BAHCC1: variants seen among roughly 807,000 people sequenced by gnomAD.
BAHCC1 encodes the protein BAH domain and coiled-coil containing 1, also known as BAH and coiled-coil domain-containing protein 1.
A neutral mutation model predicts 88.2 loss-of-function variants in BAHCC1; 43 were observed. The observed-to-expected ratio is 0.49, with a 90% CI of 0.38 to 0.63. The LOEUF is 0.63. Among genes scored for constraint, BAHCC1 ranks in the 20% least tolerant of loss-of-function variants. The pLI, the probability that BAHCC1 is intolerant of heterozygous loss-of-function variation, is 0.00. For missense variants in BAHCC1, 3,023 were observed against 1,654.8 expected (o/e 1.83, Z -14.34); for synonymous variants, 1,510 against 745.5 (o/e 2.03, Z -16.71).
rs372519094 is a variant in BAHCC1 at position 81,459,353 on chromosome 17, G to A, written c.5796+25G>A. 7.2e-5 allele frequency: 56 copies of A among 773,306 alleles called. 1 individual carries two copies. Among genetic ancestry groups the A allele is most frequent in the South Asian group, 3.4e-4 (25 of 73,920 alleles). The allele number at this position is 773,306 out of a possible 1,614,324, so 47.9% of individuals were successfully genotyped here. On this transcript the variant is annotated intron_variant, in intron 22 of 27. Coordinates refer to ENST00000675386, the MANE Select transcript of BAHCC1 (RefSeq NM_001377448.1). Reference sequence around the variant, plus strand: ...GGTGAGGACCGGGCCGGCCCGCCCCGGGGAGGGGCCTGGCTGGCTTGTCCC... The same window carrying A: ...GGTGAGGACCGGGCCGGCCCGCCCCAGGGAGGGGCCTGGCTGGCTTGTCCC...
chr17:81,455,300 G>T lies in BAHCC1; in HGVS notation c.4479G>T (p.Ala1493=). 1.4e-6 allele frequency: 1 copy of T among 717,206 alleles called. No individual in the cohort carries two copies. 44.4% of individuals were successfully genotyped at this position (717,206 alleles called of 1,614,324 possible). A position where few individuals can be genotyped will look rare whatever the true frequency, so the allele number is the denominator to read the frequency against. ...GGACAAGCCTGGGTCTGCTGTGTGC[G>T]GAGCTGCGAGGAGGCAGTGGGGGCG... The part of the protein sequence containing the change: ...AVRTSLGLLC[A]ELRGGSGGEP... The change falls in exon 15 of 28, where the codon GCG becomes GCT. Residue 1493 remains alanine (A), a synonymous_variant. Coordinates refer to ENST00000675386, the MANE Select transcript of BAHCC1 (RefSeq NM_001377448.1).
intron 2 of BAHCC1, among the ~76,000 whole-genome samples, chr17:81,423,201 A>AC (rs1237649851): frequency 1.1e-4 from 17 of 151,432 alleles, no homozygotes; most frequent in African/African-American, 3.9e-4. Context: ...GCACTCACAG[A>AC]CCCCTCCTCT....
intron 3 of BAHCC1, 25 bp from the exon 4 acceptor site, chr17:81,438,345 G>A: frequency 1.3e-6 from 1 of 777,852 alleles, no homozygotes. Flanking sequence ...AGTTGCCTCT[G>A]CAACTGGGTC....
chr17:81,441,872 C>T lies in BAHCC1; in HGVS notation c.523C>T (p.Leu175=). The T allele has an allele frequency of 3.0e-6, 2 of 669,762 alleles. No individual in the cohort carries two copies. The highest frequency in any genetic ancestry group is 3.4e-5 in the South Asian group (2 of 58,908). 41.5% of individuals were successfully genotyped at this position (669,762 alleles called of 1,614,324 possible). A position where few individuals can be genotyped will look rare whatever the true frequency, so the allele number is the denominator to read the frequency against. ...LRNLPPQPTL[L]PANHNFPSVA... The stretch of plus-strand genomic sequence containing the variant: ...CAACCTGCCGCCCCAGCCCACGCTG[C>T]TGCCGGCCAACCACAACTTCCCCAG... The change falls in exon 5 of 28, where the codon CTG becomes TTG. Residue 175 remains leucine (L), a synonymous_variant. Transcript: ENST00000675386.
Position 81,456,426 on chromosome 17 carries a change from A to G in BAHCC1, c.4699A>G (p.Lys1567Glu), listed in dbSNP as rs2064750809. ...CACAGGCCTCAGCTCTTTCCAGCAG[A>G]AGGAGGCTACCCCCGGGGGGCGCAT... is the stretch of plus-strand genomic sequence containing the variant. ...LPTGLSSFQQKEATPGGRIRE... is the reference protein window; with the variant it reads ...LPTGLSSFQQEEATPGGRIRE... The change falls in exon 16 of 28, where the codon AAG (lysine) becomes GAG (glutamate). Residue 1567 changes from lysine (K) to glutamate (E), a missense_variant. Lys to Glu is a moderately conservative substitution (Grantham distance 56). Coordinates refer to ENST00000675386, the MANE Select transcript of BAHCC1 (RefSeq NM_001377448.1). 1.4e-6 allele frequency: 1 copy of G among 722,774 alleles called. No homozygotes were observed. 44.8% of individuals were successfully genotyped at this position (722,774 alleles called of 1,614,324 possible). A position where few individuals can be genotyped will look rare whatever the true frequency, so the allele number is the denominator to read the frequency against.
intron 2 of BAHCC1, among the ~76,000 whole-genome samples, chr17:81,412,044 A>AC (rs1237146129): frequency 4.6e-5 from 7 of 151,998 alleles, no homozygotes; most frequent in Non-Finnish European, 5.9e-5. Flanking sequence ...TCAGCTGGTG[A>AC]CCCCCAGGAG....
intron 2 of BAHCC1, among the ~76,000 whole-genome samples, chr17:81,424,618 T>TTGGTAATGGTGGTGGATGATGTGGTTGG (rs2064152742): frequency 6.6e-6 from 1 of 151,638 alleles, no homozygotes; most frequent in Non-Finnish European, 1.5e-5. Flanking sequence ...TTGAATGTGG[T>TTGGTAATGGTGGTGGATGATGTGGTTGG]TGGTAATGGT....
At position 81,459,617 on chromosome 17, in the gene BAHCC1, C is replaced by T. The variant is rs1013200725; in HGVS notation, c.5905+13C>T. The T allele has an allele frequency of 5.1e-6, 4 of 779,468 alleles. No individual in the cohort carries two copies. Among genetic ancestry groups the T allele is most frequent in the Non-Finnish European group, 9.6e-6 (4 of 417,864 alleles). 48.3% of individuals were successfully genotyped at this position (779,468 alleles called of 1,614,324 possible). A position where few individuals can be genotyped will look rare whatever the true frequency, so the allele number is the denominator to read the frequency against. ...AACGTGGTCCGGGGTAAGTTGCACC[C>T]AAAGCGGGGGCTGGGGCAGGCCCCT... On this transcript the variant is annotated intron_variant, in intron 23 of 27. Coordinates refer to ENST00000675386, the MANE Select transcript of BAHCC1 (RefSeq NM_001377448.1).
chr17:81,463,020 C>T, intron 27 of BAHCC1, 44 bp downstream of exon 27: 1 of 759,564 alleles, frequency 1.3e-6, no homozygotes, highest in Non-Finnish European at 2.5e-6. Flanking sequence ...CTCGGGGCCC[C>T]AGGGAGGGGA....
At chr17:81,460,778 C>T (rs1029331612) in intron 25 of BAHCC1, 72 bp downstream of exon 25, 10 of 773,780 alleles carry the variant, frequency 1.3e-5, no homozygotes, top group African/African-American at 3.4e-5. Context: ...CCAGGAGGCC[C>T]GTGGGGTAGG....
intron 2 of BAHCC1, among the ~76,000 whole-genome samples, chr17:81,404,331 T>C (rs2063854013): frequency 6.6e-6 from 1 of 152,260 alleles, no homozygotes; most frequent in Non-Finnish European, 1.5e-5. Context: ...GGGAACTTGG[T>C]TCAAGCTAAT....
At position 81,447,815 on chromosome 17, in the gene BAHCC1, A is replaced by T. The variant is rs782201899; in HGVS notation, c.3943A>T (p.Ile1315Phe). Residue 1315 changes from isoleucine (I) to phenylalanine (F), a missense_variant, in exon 11 of 28, where the codon ATC becomes TTC. By Grantham distance (21) the Ile-to-Phe change is conservative. Transcript: ENST00000675386. Reference protein sequence around the residue: ...ALLSELADLAIQRQRSERTVP... With the variant: ...ALLSELADLAFQRQRSERTVP... ...GCTCAGCGAGCTGGCTGACCTGGCA[A>T]TCCAGCGGCAGAGGAGTGAGAGGAC... is the stretch of plus-strand genomic sequence containing the variant. 3 of 749,038 alleles carry T rather than the reference A, an allele frequency of 4.0e-6. No individual in the cohort carries two copies. In the South Asian group the frequency reaches 4.3e-5, roughly 11 times the overall value. 46.4% of individuals were successfully genotyped at this position (749,038 alleles called of 1,614,324 possible). A position where few individuals can be genotyped will look rare whatever the true frequency, so the allele number is the denominator to read the frequency against.
At chr17:81,415,733 G>A (rs1025496366) in intron 2 of BAHCC1, 4 of 332,184 alleles carry the variant, frequency 1.2e-5, no homozygotes, top group Non-Finnish European at 2.3e-5. Context: ...TGCTGGATGT[G>A]GTGATCACAG....
rs782567217 is a variant in BAHCC1 at position 81,399,930 on chromosome 17, C to A, written c.178+13C>A. 1.5e-6 allele frequency: 2 copies of A among 1,356,820 alleles called. No individual in the cohort carries two copies. Among genetic ancestry groups the A allele is most frequent in the South Asian group, 1.8e-5 (1 of 56,638 alleles). 84.0% of individuals were successfully genotyped at this position (1,356,820 alleles called of 1,614,324 possible). ...GCTTCGCACACAGGTCAGTGCTCGG[C>A]CGGGGCGGGCGCGGGACGGGAGCGT... On this transcript the variant is annotated intron_variant, in intron 2 of 27. Coordinates refer to ENST00000675386, the MANE Select transcript of BAHCC1 (RefSeq NM_001377448.1). This position sits in a 1 kb window ranked among gnomAD's most constrained non-coding sequence, Gnocchi z 4.5.
chr17:81,426,013 ATGG>A (rs1272310067), intron 2 of BAHCC1, among the ~76,000 whole-genome samples: 7 of 2,038 alleles, frequency 3.4e-3, no homozygotes, highest in Non-Finnish European at 7.5e-3. Context: ...GTTGGGGGTG[ATGG>A]TGGGTGATGT....
At chr17:81,396,680 G>A (rs1405349607) in intron 1 of BAHCC1, 2 of 152,216 alleles carry the variant, frequency 1.3e-5, no homozygotes, top group African/African-American at 2.4e-5. Context: ...GCAAAAGCAG[G>A]AAACAAAGCA....
Position 81,445,578 on chromosome 17 carries a change from C to T in BAHCC1, c.3060C>T (p.Val1020=), listed in dbSNP as rs1555654138. 1.4e-6 allele frequency: 1 copy of T among 724,772 alleles called. No individual in the cohort carries two copies. Among genetic ancestry groups the T allele is most frequent in the East Asian group, 2.6e-5 (1 of 37,770 alleles). The allele number at this position is 724,772 out of a possible 1,614,324, so 44.9% of individuals were successfully genotyped here. A position where few individuals can be genotyped will look rare whatever the true frequency, so the allele number is the denominator to read the frequency against. The change falls in exon 10 of 28, where the codon GTC becomes GTT. Residue 1020 remains valine (V), a synonymous_variant. Transcript: ENST00000675386. ...CCAGCGCCCCGTGCACTTTAAATGT[C>T]TGCCCTGCCAGCAGCCCCGGGCCTG... The part of the protein sequence containing the change: ...PRPSAPCTLN[V]CPASSPGPGS...
intron 3 of BAHCC1, among the ~76,000 whole-genome samples, chr17:81,428,460 G>C (rs1260140548): frequency 1.3e-5 from 2 of 152,202 alleles, no homozygotes; most frequent in African/African-American, 2.4e-5. Flanking sequence ...CAGGTGCACA[G>C]ATCCACCTAG....
chr17:81,462,516 A>G (rs1479917307), intron 26 of BAHCC1: 2 of 567,842 alleles, frequency 3.5e-6, no homozygotes, highest in Non-Finnish European at 6.2e-6. Flanking sequence ...TCCAGACGTC[A>G]TGATTCCATG....
Sources: allele counts gnomAD v4.1 joint callset (sites outside exome capture counted in the v4.1 genomes callset), GRCh38; gene constraint gnomAD v4.1.1; non-coding constraint Gnocchi (gnomAD v3.1); transcripts MANE v1.5; gene names NCBI Gene and HGNC (gene_info 2026-07-23, HGNC 2026-07-21).